Variants in RCAN2 observed in about 807,000 individuals in gnomAD.
RCAN2 encodes the protein calcipressin-2.
Under a neutral mutation model 23.6 loss-of-function variants are expected in RCAN2, and 9 were observed. The ratio of observed to expected loss-of-function variants is 0.38; its 90% CI spans 0.23 to 0.67. The LOEUF is 0.67. Among genes scored for constraint, RCAN2 ranks in the 30% least tolerant of loss-of-function variants. RCAN2 has a pLI of 0.51. For missense variants in RCAN2, 273 were observed against 302.3 expected, an observed-to-expected ratio of 0.90 and a Z score of 0.72; for synonymous variants, 109 against 115.7, an observed-to-expected ratio of 0.94 and a Z score of 0.37.
At chr6:46,386,741 G>GA (rs1210302272) in intron 2 of RCAN2, among the ~76,000 whole-genome samples, 1 of 151,972 alleles carries the variant, frequency 6.6e-6, no homozygotes, top group African/African-American at 2.4e-5. Context: ...CACAGAATTG[G>GA]AAAAAACTAT....
At chr6:46,274,275 C>A (rs765989726) in intron 2 of RCAN2, among the ~76,000 whole-genome samples, 6 of 152,136 alleles carry the variant, frequency 3.9e-5, no homozygotes, top group Non-Finnish European at 7.3e-5. Flanking sequence ...CACTGAATCC[C>A]ATTACTCTAT....
chr6:46,285,972 A>G (rs1762361510), intron 2 of RCAN2, among the ~76,000 whole-genome samples: 1 of 152,196 alleles, frequency 6.6e-6, no homozygotes, highest in Non-Finnish European at 1.5e-5. Context: ...TTGCATGGTT[A>G]TTGTGAGAAT....
At chr6:46,484,170 A>C (rs577306876) in intron 1 of RCAN2, among the ~76,000 whole-genome samples, 1 of 152,212 alleles carries the variant, frequency 6.6e-6, no homozygotes, top group African/African-American at 2.4e-5. Flanking sequence ...AATAATTCAA[A>C]TTGGCTGTTT....
At chr6:46,349,580 G>GA (rs377751176) in intron 2 of RCAN2, among the ~76,000 whole-genome samples, 2,605 of 141,220 alleles carry the variant, frequency 0.018, 75 homozygotes, top group African/African-American at 0.059. Flanking sequence ...AGTAAAATTA[G>GA]AAAAAAAAAA....
chr6:46,438,088 C>T (rs1008058456), intron 2 of RCAN2, among the ~76,000 whole-genome samples: 1 of 152,134 alleles, frequency 6.6e-6, no homozygotes, highest in African/African-American at 2.4e-5. Flanking sequence ...TTCCCTGTCA[C>T]CCCCACTCAT....
chr6:46,296,219 G>A (rs1421824186), intron 2 of RCAN2, among the ~76,000 whole-genome samples: 1 of 151,962 alleles, frequency 6.6e-6, no homozygotes, highest in East Asian at 1.9e-4. Flanking sequence ...CATGTTAGAT[G>A]ACCTTCTGGT....
intron 2 of RCAN2, among the ~76,000 whole-genome samples, chr6:46,312,196 C>T (rs982287111): frequency 3.9e-5 from 6 of 152,152 alleles, no homozygotes; most frequent in Non-Finnish European, 8.8e-5. Context: ...CAGTTAAGTA[C>T]AAGGACATGG....
intron 2 of RCAN2, among the ~76,000 whole-genome samples, chr6:46,397,540 G>A (rs1371706598): frequency 3.3e-5 from 5 of 152,166 alleles, no homozygotes; most frequent in Non-Finnish European, 7.3e-5. Flanking sequence ...GGAAGCTGGT[G>A]AAGGGTACAT....
chr6:46,376,572 C>CG lies in RCAN2; in HGVS notation c.225+80179dup, dbSNP rs532767889. Among the ~76,000 whole-genome samples, 18 of 152,154 alleles carry CG rather than the reference C, an allele frequency of 1.2e-4. No individual in the cohort carries two copies. In the South Asian group the frequency reaches 3.7e-3, roughly 32 times the overall value. On this transcript the variant is annotated intron_variant, in intron 2 of 4. Transcript: ENST00000371374. ...GTGTGCACCTATAGTCCCAGCTACT[C>CG]GGGAGGCTGAGGCAGAAGAATCGCT...
At chr6:46,384,801 ACTTTT>A (rs201547584) in intron 2 of RCAN2, among the ~76,000 whole-genome samples, 2,598 of 152,324 alleles carry the variant, frequency 0.017, 54 homozygotes, top group South Asian at 0.12. Flanking sequence ...GATACAAGGG[ACTTTT>A]CTGGAGAAAT....
At chr6:46,366,504 A>G (rs896197213) in intron 2 of RCAN2, among the ~76,000 whole-genome samples, 6 of 152,132 alleles carry the variant, frequency 3.9e-5, no homozygotes, top group Non-Finnish European at 7.4e-5. Flanking sequence ...AGGCTTCCCA[A>G]AACTTTTCAA....
chr6:46,281,524 A>C (rs973652495), intron 2 of RCAN2, among the ~76,000 whole-genome samples: 1 of 152,230 alleles, frequency 6.6e-6, no homozygotes, highest in Non-Finnish European at 1.5e-5. Flanking sequence ...ACAAGTGAAA[A>C]GGGAGATTTG....
intron 2 of RCAN2, among the ~76,000 whole-genome samples, chr6:46,389,535 C>A (rs915257139): frequency 6.6e-6 from 1 of 152,174 alleles, no homozygotes; most frequent in African/African-American, 2.4e-5. Flanking sequence ...CCTATCAGCT[C>A]CTCCAGGGCT....
intron 2 of RCAN2, among the ~76,000 whole-genome samples, chr6:46,364,877 C>T (rs1765122054): frequency 6.6e-6 from 1 of 152,182 alleles, no homozygotes; most frequent in Admixed American, 6.5e-5. Context: ...GCACCAGCCA[C>T]ACTGGCTTCT....
At chr6:46,264,958 C>G (rs184054018) in intron 2 of RCAN2, among the ~76,000 whole-genome samples, 179 of 152,314 alleles carry the variant, frequency 1.2e-3, no homozygotes, top group African/African-American at 4.1e-3. Context: ...CTAAGGTGGT[C>G]AGCTCGTCAG....
chr6:46,442,970 G>C (rs937197867), intron 2 of RCAN2, among the ~76,000 whole-genome samples: 1 of 152,076 alleles, frequency 6.6e-6, no homozygotes, highest in African/African-American at 2.4e-5. Context: ...CATCTGGCAG[G>C]TGCCCCCAAG....
intron 2 of RCAN2, among the ~76,000 whole-genome samples, chr6:46,274,087 C>G (rs886743454): frequency 6.6e-6 from 1 of 152,178 alleles, no homozygotes; most frequent in African/African-American, 2.4e-5. Flanking sequence ...CTTTTACTTT[C>G]CAGCAGCATT....
chr6:46,308,949 G>C (rs567078083), intron 2 of RCAN2, among the ~76,000 whole-genome samples: 1 of 152,090 alleles, frequency 6.6e-6, no homozygotes, highest in African/African-American at 2.4e-5. Flanking sequence ...ACACTTACTT[G>C]TCTCTACAGT....
At chr6:46,235,424 G>T (rs1229517002) in intron 4 of RCAN2, among the ~76,000 whole-genome samples, 1 of 152,148 alleles carries the variant, frequency 6.6e-6, no homozygotes, top group Non-Finnish European at 1.5e-5. Flanking sequence ...TTCTTTCCAG[G>T]ACATTCTTTC....
Sources: gnomAD v4.1 joint callset for allele counts (sites outside exome capture counted in the v4.1 genomes callset) on GRCh38, gnomAD v4.1.1 for gene constraint, MANE v1.5 for transcripts, NCBI Gene and HGNC (gene_info 2026-07-23, HGNC 2026-07-21) for gene names.